Variants in NALF1 observed in about 807,000 individuals in gnomAD.
NALF1 encodes the protein family with sequence similarity 155 member A.
NALF1 carries 3 observed loss-of-function variants against 48.4 expected under a neutral mutation model. That is an observed-to-expected ratio of 0.06 (90% confidence interval 0.03 to 0.16). NALF1 has a LOEUF of 0.16. NALF1 is among the 10% of genes least tolerant of loss of function. The pLI is 1.00. For synonymous variants in NALF1, 262 were observed against 245.7 expected (o/e 1.07, Z -0.62); for missense variants, 526 against 571.5 (o/e 0.92, Z 0.81).
intron 1 of NALF1, among the ~76,000 whole-genome samples, chr13:107,298,855 A>C (rs1294102325): frequency 7.2e-5 from 11 of 152,224 alleles, no homozygotes; most frequent in Non-Finnish European, 1.5e-5. Context: ...AACAACTTAC[A>C]TAACTACAAT....
At chr13:107,835,839 G>A (rs1192406057) in intron 1 of NALF1, among the ~76,000 whole-genome samples, 1 of 152,074 alleles carries the variant, frequency 6.6e-6, no homozygotes, top group East Asian at 1.9e-4. Flanking sequence ...TGCACTCTGT[G>A]GTTACCATCT....
rs1374644914 is a variant in NALF1, at chr13:107,599,208, C to A, written c.915+266474G>T. On this transcript the variant is annotated intron_variant, in intron 1 of 2. Transcript: ENST00000375915. The stretch of plus-strand genomic sequence containing the variant: ...GGCCGAGGCGGGCAGATCACGAGGT[C>A]AGGAGATGGAGACCATCCTGGCTAA... Among the ~76,000 whole-genome samples the A allele has an allele frequency of 4.6e-5, 7 of 152,190 alleles. No individual in the cohort carries two copies. In the East Asian group the frequency reaches 1.4e-3, roughly 29 times the overall value.
intron 1 of NALF1, among the ~76,000 whole-genome samples, chr13:107,783,121 T>C (rs1312279402): frequency 1.0e-4 from 13 of 128,036 alleles, no homozygotes; most frequent in South Asian, 5.5e-4. Flanking sequence ...GGGGCGCCTC[T>C]GCCCGGCCGC....
At chr13:107,222,410 T>G (rs1033615072) in intron 1 of NALF1, among the ~76,000 whole-genome samples, 2 of 152,206 alleles carry the variant, frequency 1.3e-5, no homozygotes, top group Admixed American at 6.5e-5. Flanking sequence ...TATTCATTTA[T>G]ATACACATGA....
chr13:107,210,768 G>A lies in NALF1; in HGVS notation c.916-13C>T. On this transcript the variant is annotated splice_polypyrimidine_tract_variant and intron_variant, in intron 1 of 2. Coordinates refer to ENST00000375915, the MANE Select transcript of NALF1 (RefSeq NM_001080396.3). ...CTTTGTAGACAATCTGAAAAAAAGA[G>A]AAGAATGAAAAATATAGAGGCGTGA... 1.2e-6 allele frequency: 2 copies of A among 1,601,646 alleles called. No homozygotes were observed. The highest frequency in any genetic ancestry group is 2.2e-5 in the South Asian group (2 of 90,840).
intron 1 of NALF1, among the ~76,000 whole-genome samples, chr13:107,284,510 A>C (rs1365147993): frequency 6.6e-6 from 1 of 152,200 alleles, no homozygotes; most frequent in Admixed American, 6.5e-5. Context: ...GTGTGAAAAA[A>C]ACTAAAATAT....
At chr13:107,625,944 TAC>T (rs1879659844) in intron 1 of NALF1, among the ~76,000 whole-genome samples, 1 of 152,110 alleles carries the variant, frequency 6.6e-6, no homozygotes, top group Non-Finnish European at 1.5e-5. Flanking sequence ...AGAAAAACTG[TAC>T]AGTTATTCAC....
intron 1 of NALF1, among the ~76,000 whole-genome samples, chr13:107,490,729 G>A (rs960184776): frequency 2.6e-5 from 4 of 151,898 alleles, no homozygotes; most frequent in African/African-American, 9.7e-5. Flanking sequence ...TTTTTTAAAG[G>A]TCAATATCTG....
At chr13:107,260,248 G>A (rs1185524193) in intron 1 of NALF1, among the ~76,000 whole-genome samples, 2 of 152,162 alleles carry the variant, frequency 1.3e-5, no homozygotes, top group African/African-American at 4.8e-5. Context: ...CGTTAACATT[G>A]TTGCATATAG....
At chr13:107,784,997 ACCCAAATG>A (rs1352830102) in intron 1 of NALF1, among the ~76,000 whole-genome samples, 1 of 151,810 alleles carries the variant, frequency 6.6e-6, no homozygotes, top group Non-Finnish European at 1.5e-5. Context: ...CGCGGAACCA[ACCCAAATG>A]CCCAAATGCC....
intron 1 of NALF1, among the ~76,000 whole-genome samples, chr13:107,329,652 TC>T (rs1283871948): frequency 1.2e-5 from 1 of 82,868 alleles, no homozygotes; most frequent in Admixed American, 1.3e-4. Flanking sequence ...CCCTCCCCCC[TC>T]CCCCCACGCC....
At chr13:107,368,468 A>G (rs1883190496) in intron 1 of NALF1, among the ~76,000 whole-genome samples, 1 of 151,980 alleles carries the variant, frequency 6.6e-6, no homozygotes, top group Non-Finnish European at 1.5e-5. Flanking sequence ...ATTTTCTTAC[A>G]GCTCTGGAAA....
At chr13:107,277,363 G>A (rs114421417) in intron 1 of NALF1, among the ~76,000 whole-genome samples, 71 of 152,104 alleles carry the variant, frequency 4.7e-4, no homozygotes, top group African/African-American at 1.6e-3. Context: ...TCTCAATTTT[G>A]CCTCAATTTT....
intron 1 of NALF1, among the ~76,000 whole-genome samples, chr13:107,749,578 CTATAA>C (rs1876875195): frequency 6.6e-6 from 1 of 151,754 alleles, no homozygotes; most frequent in Admixed American, 6.6e-5. Context: ...ATTTTACATA[CTATAA>C]TATACTATGT....
intron 1 of NALF1, among the ~76,000 whole-genome samples, chr13:107,758,179 T>G (rs1379545411): frequency 6.6e-6 from 1 of 152,130 alleles, no homozygotes; most frequent in Non-Finnish European, 1.5e-5. Context: ...AAAAGAACTG[T>G]GATTGCATTT....
intron 1 of NALF1, among the ~76,000 whole-genome samples, chr13:107,224,708 A>G (rs557572160): frequency 3.5e-4 from 54 of 152,244 alleles, no homozygotes; most frequent in African/African-American, 1.3e-3. Context: ...AGATAATTTT[A>G]AATCAATAAC....
intron 1 of NALF1, among the ~76,000 whole-genome samples, chr13:107,599,421 CA>C (rs59715915): frequency 0.018 from 2,182 of 122,188 alleles, 36 homozygotes; most frequent in African/African-American, 0.054. Flanking sequence ...GACTCCGTCT[CA>C]AAAAAAAAAA....
At chr13:107,235,965 T>C (rs1385414394) in intron 1 of NALF1, among the ~76,000 whole-genome samples, 1 of 152,162 alleles carries the variant, frequency 6.6e-6, no homozygotes, top group Non-Finnish European at 1.5e-5. Context: ...GTAAACACTA[T>C]TGTAGAACGT....
At chr13:107,363,479 G>T (rs547931295) in intron 1 of NALF1, among the ~76,000 whole-genome samples, 11 of 152,276 alleles carry the variant, frequency 7.2e-5, no homozygotes, top group Non-Finnish European at 1.6e-4. Context: ...CACGCCTATA[G>T]TCCCAGCTAC....
Sources: gnomAD v4.1 joint callset for allele counts (sites outside exome capture counted in the v4.1 genomes callset) on GRCh38, gnomAD v4.1.1 for gene constraint, MANE v1.5 for transcripts, NCBI Gene and HGNC (gene_info 2026-07-23, HGNC 2026-07-21) for gene names.